The following NTM variants were observed in gnomAD, a reference collection of about 807,000 sequenced individuals.
NTM encodes IgLON family member 2.
NTM carries 13 observed loss-of-function variants against 42.1 expected under a neutral mutation model. The observed-to-expected ratio is 0.31, with a 90% CI of 0.20 to 0.49. NTM has a LOEUF of 0.49. NTM is among the 20% of genes least tolerant of loss of function. NTM has a pLI of 0.99. For synonymous variants in NTM, 187 were observed against 179.2 expected (o/e 1.04, Z -0.35); for missense variants, 373 against 452.8 (o/e 0.82, Z 1.60).
intron 1 of NTM, among the ~76,000 whole-genome samples, chr11:131,734,978 C>A (rs922087421): frequency 1.3e-5 from 2 of 152,140 alleles, no homozygotes; most frequent in Non-Finnish European, 2.9e-5. Context: ...GTGACAGGTG[C>A]TAACAAGATC....
chr11:131,972,127 C>T (rs1433774910), intron 2 of NTM, among the ~76,000 whole-genome samples: 1 of 150,778 alleles, frequency 6.6e-6, no homozygotes, highest in African/African-American at 2.4e-5. Context: ...GCAAGAGGAT[C>T]CCTTGAGCCT....
chr11:131,878,664 T>A (rs1231168899), intron 1 of NTM, among the ~76,000 whole-genome samples: 1 of 140,346 alleles, frequency 7.1e-6, no homozygotes, highest in African/African-American at 2.7e-5. Flanking sequence ...CATACAGCAC[T>A]TTACAGCCTA....
chr11:131,956,190 C>G, intron 2 of NTM, among the ~76,000 whole-genome samples: 1 of 152,192 alleles, frequency 6.6e-6, no homozygotes, highest in East Asian at 1.9e-4. Flanking sequence ...GTGGGGAATG[C>G]CACGTGCTGA....
intron 2 of NTM, among the ~76,000 whole-genome samples, chr11:132,051,836 G>A (rs1180061717): frequency 6.6e-6 from 1 of 152,200 alleles, no homozygotes; most frequent in Non-Finnish European, 1.5e-5. Flanking sequence ...AGAAAAGACT[G>A]TGGAGAATGC....
chr11:131,763,152 T>C (rs1187385745), intron 1 of NTM, among the ~76,000 whole-genome samples: 1 of 152,094 alleles, frequency 6.6e-6, no homozygotes, highest in East Asian at 1.9e-4. Flanking sequence ...TAAACACACC[T>C]TTACATAAAA....
At chr11:132,333,139 T>C (rs2095832551) in intron 8 of NTM, among the ~76,000 whole-genome samples, 1 of 152,132 alleles carries the variant, frequency 6.6e-6, no homozygotes, top group Admixed American at 6.5e-5. Context: ...TTCACGCATA[T>C]GAAGCTATCT....
chr11:131,936,914 T>C (rs182041684), intron 2 of NTM, among the ~76,000 whole-genome samples: 1 of 152,228 alleles, frequency 6.6e-6, no homozygotes, highest in African/African-American at 2.4e-5. Flanking sequence ...TGACGGGTGA[T>C]GTAACTGAGA....
chr11:132,040,461 A>C (rs944649900), intron 2 of NTM, among the ~76,000 whole-genome samples: 1 of 152,234 alleles, frequency 6.6e-6, no homozygotes, highest in Admixed American at 6.5e-5. Flanking sequence ...AAGAGCTTTC[A>C]CTTTCCTCAG....
chr11:132,315,827 T>TTGATCCCCGAGCCAGTGGCTTG (rs1180710826), intron 7 of NTM, among the ~76,000 whole-genome samples: 2 of 152,174 alleles, frequency 1.3e-5, no homozygotes, highest in African/African-American at 4.8e-5. Flanking sequence ...AAAGCCGCCC[T>TTGATCCCCGAGCCAGTGGCTTG]TGATCCCCGA....
chr11:132,105,017 G>A lies in NTM; in HGVS notation c.168-41265G>A, dbSNP rs559082444. Among the ~76,000 whole-genome samples, 308 of 131,206 alleles carry A rather than the reference G, an allele frequency of 2.3e-3. 2 individuals are homozygous for A. The highest frequency in any genetic ancestry group is 4.6e-3 in the Middle Eastern group (1 of 216). 86.1% of individuals were successfully genotyped at this position (131,206 alleles called of 152,430 possible). On this transcript the variant is annotated intron_variant, in intron 2 of 8. Transcript: ENST00000683400. ...TTTCATGGGAAGCCAAATGAGGAGGGCAACATTTGAGTCAAACAAGGAAGC... is the reference window on the plus strand; with the variant it reads ...TTTCATGGGAAGCCAAATGAGGAGGACAACATTTGAGTCAAACAAGGAAGC...
At chr11:132,323,226 T>C (rs1421096209) in intron 7 of NTM, among the ~76,000 whole-genome samples, 9 of 150,770 alleles carry the variant, frequency 6.0e-5, no homozygotes, top group Non-Finnish European at 1.0e-4. Flanking sequence ...CTTCAAAAAA[T>C]TGATGAATCC....
At chr11:131,847,437 A>G (rs553957503) in intron 1 of NTM, among the ~76,000 whole-genome samples, 17 of 152,212 alleles carry the variant, frequency 1.1e-4, no homozygotes, top group Admixed American at 7.2e-4. Context: ...ACAGAAATAG[A>G]CCATTGTACA....
At chr11:132,134,116 T>C (rs2137117709) in intron 2 of NTM, among the ~76,000 whole-genome samples, 1 of 152,186 alleles carries the variant, frequency 6.6e-6, no homozygotes, top group East Asian at 1.9e-4. Context: ...GTAAACAGGG[T>C]CTCACCATGT....
At chr11:131,762,383 A>G (rs2084350119) in intron 1 of NTM, among the ~76,000 whole-genome samples, 1 of 152,236 alleles carries the variant, frequency 6.6e-6, no homozygotes, top group South Asian at 2.1e-4. Context: ...AAGTTGGGAT[A>G]CCCAGGGGTG....
intron 1 of NTM, among the ~76,000 whole-genome samples, chr11:131,734,484 C>T (rs900724183): frequency 6.6e-6 from 1 of 152,160 alleles, no homozygotes; most frequent in Non-Finnish European, 1.5e-5. Context: ...AAGTGCTTAG[C>T]AGTGTGCTAG....
rs1488006395 is a variant in NTM, at chr11:132,317,571, TATATATGACAA to T, written c.934+2875_934+2885del. The T allele has an allele frequency of 2.2e-5, 17 of 756,254 alleles. No individual in the cohort carries two copies. In the African/African-American group the frequency reaches 2.9e-4, roughly 13 times the overall value. The allele number at this position is 756,254 out of a possible 1,614,324, so 46.8% of individuals were successfully genotyped here. A position where few individuals can be genotyped will look rare whatever the true frequency, so the allele number is the denominator to read the frequency against. On this transcript the variant is annotated intron_variant, in intron 7 of 8. Coordinates refer to ENST00000683400, the MANE Select transcript of NTM (RefSeq NM_001352005.2). ...TGTCTGTGAAAGGCAGTATACAAAC[TATATATGACAA>T]ATATATAGCACTGTATATAATATAT...
At chr11:131,790,086 A>G (rs188431374) in intron 1 of NTM, among the ~76,000 whole-genome samples, 8 of 152,184 alleles carry the variant, frequency 5.3e-5, no homozygotes, top group Non-Finnish European at 8.8e-5. Flanking sequence ...AGTGTAAATT[A>G]TATTTCAAAG....
In NTM at chr11:131,789,540, AAGAAGAAAAGAAGAAGAAGAAGAAGAAG is replaced by A. The variant is rs1565551805; in HGVS notation, c.83-122022_83-121995del. On this transcript the variant is annotated intron_variant, in intron 1 of 8. Coordinates refer to ENST00000683400, the MANE Select transcript of NTM (RefSeq NM_001352005.2). ...GAAGAAGAAGAAGAAGAAGAAGAAG[AAGAAGAAAAGAAGAAGAAGAAGAAGAAG>A]AAGAAGAAGAAGAAGAAGAAGAAGA... Among the ~76,000 whole-genome samples the A allele has an allele frequency of 4.0e-4, 11 of 27,746 alleles. 3 individuals are homozygous for A. Among genetic ancestry groups the A allele is most frequent in the Non-Finnish European group, 4.3e-4 (7 of 16,144 alleles). The allele number at this position is 27,746 out of a possible 152,430, so 18.2% of individuals were successfully genotyped here. A position where few individuals can be genotyped will look rare whatever the true frequency, so the allele number is the denominator to read the frequency against.
At chr11:132,127,177 G>A (rs1217683567) in intron 2 of NTM, among the ~76,000 whole-genome samples, 1 of 152,160 alleles carries the variant, frequency 6.6e-6, no homozygotes. Flanking sequence ...TGGTGAATGA[G>A]GCAGAAAAGG....
Sources: allele counts gnomAD v4.1 joint callset (sites outside exome capture counted in the v4.1 genomes callset), GRCh38; gene constraint gnomAD v4.1.1; transcripts MANE v1.5; gene names NCBI Gene and HGNC (gene_info 2026-07-23, HGNC 2026-07-21).